The following FRRS1 variants were observed in gnomAD, a reference collection of about 807,000 sequenced individuals.
FRRS1 encodes the protein ferric chelate reductase 1, also known as ferric reductase 1.
A neutral mutation model predicts 70.7 loss-of-function variants in FRRS1; 51 were observed. That is an observed-to-expected ratio of 0.72 (90% CI 0.58 to 0.91). The LOEUF is 0.91. Among genes scored for constraint, FRRS1 ranks in the 40% least tolerant of loss-of-function variants. FRRS1 has a pLI of 0.00. For synonymous variants in FRRS1, 225 were observed against 238.7 expected (o/e 0.94, Z 0.53); for missense variants, 672 against 726.0 (o/e 0.93, Z 0.86).
At chr1:99,735,968 T>C (rs1049950363) in intron 7 of FRRS1, among the ~76,000 whole-genome samples, 1 of 152,186 alleles carries the variant, frequency 6.6e-6, no homozygotes, top group Non-Finnish European at 1.5e-5. Flanking sequence ...CTAGAGCATA[T>C]ATCTAAATGA....
At chr1:99,762,131 G>A (rs985530736) in intron 1 of FRRS1, among the ~76,000 whole-genome samples, 2 of 152,170 alleles carry the variant, frequency 1.3e-5, no homozygotes, top group African/African-American at 2.4e-5. Flanking sequence ...GACACAGTAA[G>A]TAAATAAGGC....
chr1:99,751,126 T>A (rs1656548116), intron 1 of FRRS1, among the ~76,000 whole-genome samples: 1 of 152,178 alleles, frequency 6.6e-6, no homozygotes. Flanking sequence ...TCTCTCTTCT[T>A]GATCTGAGAC....
At chr1:99,740,320 G>C (rs1445343277) in intron 6 of FRRS1, among the ~76,000 whole-genome samples, 1 of 152,162 alleles carries the variant, frequency 6.6e-6, no homozygotes, top group Non-Finnish European at 1.5e-5. Context: ...TGAACATGCA[G>C]GGTCTTGCAT....
chr1:99,748,831 C>A (rs1046098397), intron 2 of FRRS1, 63 bp from the exon 3 acceptor site: 3 of 1,230,978 alleles, frequency 2.4e-6, no homozygotes, highest in Non-Finnish European at 2.3e-6. Context: ...AGCTTTTACA[C>A]AACTGGACCA....
chr1:99,764,585 C>T (rs1265120370), intron 1 of FRRS1, among the ~76,000 whole-genome samples: 3 of 152,068 alleles, frequency 2.0e-5, no homozygotes, highest in Non-Finnish European at 4.4e-5. Context: ...TTTAAAACGC[C>T]GTCAACTACT....
At position 99,704,913 on chromosome 1, in the gene FRRS1, TA is replaced by T. The variant is rs1653992640; in HGVS notation, c.*4114del. ...TCTGGCTCCCCCATCTGCTGAGAGC[TA>T]CTTCTACTCAGTAAAACCTTGCACT... On this transcript the variant is annotated 3_prime_UTR_variant, in exon 17 of 17. Coordinates refer to ENST00000646001, the MANE Select transcript of FRRS1 (RefSeq NM_001361041.2). 6.6e-6 allele frequency among the ~76,000 whole-genome samples: 1 copy of T among 152,148 alleles called. No homozygotes were observed. The highest frequency in any genetic ancestry group is 1.5e-5 in the Non-Finnish European group (1 of 68,028).
chr1:99,715,708 T>C (rs778242147), intron 11 of FRRS1, 36 bp from the exon 12 acceptor site: 26 of 1,472,022 alleles, frequency 1.8e-5, no homozygotes, highest in Non-Finnish European at 2.4e-5. Flanking sequence ...AAGACACTTA[T>C]CCATGTAAAA....
chr1:99,759,742 T>G (rs931762789), intron 1 of FRRS1, among the ~76,000 whole-genome samples: 3 of 152,146 alleles, frequency 2.0e-5, no homozygotes, highest in South Asian at 4.1e-4. Flanking sequence ...CGAAAAGAAA[T>G]GAACACTCAG....
At chr1:99,721,203 AC>A (rs1472942916) in intron 9 of FRRS1, among the ~76,000 whole-genome samples, 7 of 151,938 alleles carry the variant, frequency 4.6e-5, no homozygotes, top group African/African-American at 1.7e-4. Flanking sequence ...AGATGGTGAA[AC>A]CCTGTCTCTG....
At chr1:99,710,714 T>TAGC in intron 15 of FRRS1, 92 bp downstream of exon 15, 1 of 1,085,478 alleles carries the variant, frequency 9.2e-7, no homozygotes, top group Non-Finnish European at 1.3e-6. Flanking sequence ...GCTAACAATG[T>TAGC]AGCAGTCAGC....
At chr1:99,711,769 C>A (rs551995136) in intron 14 of FRRS1, among the ~76,000 whole-genome samples, 1 of 152,318 alleles carries the variant, frequency 6.6e-6, no homozygotes, top group African/African-American at 2.4e-5. Context: ...CCCAGCAACC[C>A]ACCTCAACCC....
intron 7 of FRRS1, among the ~76,000 whole-genome samples, chr1:99,736,310 C>G (rs1481543671): frequency 6.6e-6 from 1 of 152,132 alleles, no homozygotes; most frequent in Non-Finnish European, 1.5e-5. Flanking sequence ...ATTTCCTATA[C>G]AAGCAACTTG....
rs368169298 is a variant in FRRS1, at chr1:99,747,368, T to G, written c.259A>C (p.Asn87His). Reference protein sequence around the residue: ...LLEARNAEDLNGPPIGSFTLI... With the variant: ...LLEARNAEDLHGPPIGSFTLI... ...GTGAAGGAGCCAATAGGAGGGCCAT[T>G]CAGATCCTCAGCATTACGCGCTTCT... is the stretch of plus-strand genomic sequence containing the variant. The change falls in exon 4 of 17, where the codon AAT becomes CAT. Residue 87 changes from asparagine to histidine, a missense_variant. Transcript: ENST00000646001. 22 of 1,613,584 alleles carry G rather than the reference T, an allele frequency of 1.4e-5. No individual in the cohort carries two copies. The African/African-American group carries it at 2.9e-4, about 22-fold the overall frequency.
At chr1:99,726,834 G>A (rs1295752944) in intron 9 of FRRS1, among the ~76,000 whole-genome samples, 1 of 152,134 alleles carries the variant, frequency 6.6e-6, no homozygotes, top group Non-Finnish European at 1.5e-5. Flanking sequence ...AGCCTCCTGA[G>A]TAGCTAGGAC....
intron 9 of FRRS1, 144 bp from the exon 10 acceptor site, chr1:99,719,791 A>G: frequency 1.7e-6 from 1 of 582,482 alleles, no homozygotes. Context: ...TGTCATTCAT[A>G]TGCAAAAGCA....
intron 7 of FRRS1, among the ~76,000 whole-genome samples, chr1:99,735,264 T>C (rs1655594306): frequency 6.6e-6 from 1 of 152,218 alleles, no homozygotes; most frequent in African/African-American, 2.4e-5. Context: ...GGACTTATTG[T>C]ACTTGGAAAT....
chr1:99,709,142 GA>G (rs752051354), intron 16 of FRRS1, 22 bp from the exon 17 acceptor site: 870 of 1,476,312 alleles, frequency 5.9e-4, no homozygotes, highest in East Asian at 1.9e-3. Flanking sequence ...ATTGAGATAT[GA>G]AAAAAAAAAG....
At chr1:99,740,977 G>T in intron 5 of FRRS1, 37 bp from the exon 6 acceptor site, 1 of 1,590,376 alleles carries the variant, frequency 6.3e-7, no homozygotes, top group Non-Finnish European at 8.6e-7. Context: ...AACCCTAATT[G>T]TGTCCTGTCA....
At chr1:99,744,724 T>C (rs1167114598) in intron 4 of FRRS1, among the ~76,000 whole-genome samples, 1 of 151,738 alleles carries the variant, frequency 6.6e-6, no homozygotes, top group East Asian at 1.9e-4. Flanking sequence ...AGGCGGAGGC[T>C]GCGGTGAGCC....
Sources: allele counts gnomAD v4.1 joint callset (sites outside exome capture counted in the v4.1 genomes callset), GRCh38; gene constraint gnomAD v4.1.1; transcripts MANE v1.5; gene names NCBI Gene and HGNC (gene_info 2026-07-23, HGNC 2026-07-21).